RPL26: variants seen among roughly 807,000 people sequenced by gnomAD.
The protein encoded by RPL26 is ribosomal protein L26, also known as large ribosomal subunit protein uL24.
A neutral mutation model predicts 16.2 loss-of-function variants in RPL26; 1 was observed. The ratio of observed to expected loss-of-function variants is 0.06; its 90% CI spans 0.02 to 0.29. The LOEUF (loss-of-function observed/expected upper bound fraction) is 0.29. Among genes scored for constraint, RPL26 ranks in the 10% least tolerant of loss-of-function variants. RPL26 has a pLI of 1.00. For missense variants in RPL26, 102 were observed against 184.3 expected (o/e 0.55, Z 2.58); for synonymous variants, 55 against 62.4 (o/e 0.88, Z 0.56).
At chr17:8,378,505 C>T (rs1024262114) in intron 3 of RPL26, among the ~76,000 whole-genome samples, 1 of 149,596 alleles carries the variant, frequency 6.7e-6, no homozygotes, top group Non-Finnish European at 1.5e-5. Context: ...ACAAAAAAAA[C>T]CCCACCCCCA....
chr17:8,379,999 A>G (rs1907337873), intron 2 of RPL26, 63 bp from the exon 3 acceptor site: 1 of 1,408,440 alleles, frequency 7.1e-7, no homozygotes, highest in South Asian at 1.2e-5. Flanking sequence ...AATCAAGTAA[A>G]CAAACTCATG....
At chr17:8,380,035 A>G in intron 2 of RPL26, 99 bp from the exon 3 acceptor site, 2 of 1,007,212 alleles carry the variant, frequency 2.0e-6, no homozygotes, top group East Asian at 2.6e-5. Context: ...CTATCATTAT[A>G]TTAAAAGGTT....
intron 1 of RPL26, 71 bp downstream of exon 1, chr17:8,383,086 C>T (rs1907505721): frequency 5.0e-6 from 2 of 398,658 alleles, no homozygotes; most frequent in Non-Finnish European, 8.8e-6. Context: ...TCGGGGTCCC[C>T]GCGGTCGGAA....
intron 3 of RPL26, chr17:8,379,426 G>A: frequency 3.8e-6 from 1 of 264,156 alleles, no homozygotes; most frequent in Non-Finnish European, 7.2e-6. Flanking sequence ...ACAAAAATTA[G>A]CCGGGTGTAG....
At chr17:8,380,124 G>C in intron 2 of RPL26, 188 bp from the exon 3 acceptor site, 1 of 570,048 alleles carries the variant, frequency 1.8e-6, no homozygotes, top group South Asian at 2.4e-5. Flanking sequence ...AGCAGCAACA[G>C]ACCAAGAGTA....
chr17:8,382,104 A>G, intron 2 of RPL26, 39 bp downstream of exon 2: 1 of 1,567,322 alleles, frequency 6.4e-7, no homozygotes, highest in South Asian at 1.1e-5. Context: ...AGTGCGTAAA[A>G]TATCCATCAA....
rs1380816392 is a variant in RPL26, at chr17:8,382,353, A to G, written c.-5-38T>C. 4 of 1,435,850 alleles carry G rather than the reference A, an allele frequency of 2.8e-6. No homozygotes were observed. The South Asian group carries it at 4.7e-5, about 17-fold the overall frequency. The allele number at this position is 1,435,850 out of a possible 1,614,324, so 88.9% of individuals were successfully genotyped here. ...TTAAAAAGACTCTTAAATGACCAAAATCTCATCCAGCTTCCAAACAAATAA... is the reference window on the plus strand; with the variant it reads ...TTAAAAAGACTCTTAAATGACCAAAGTCTCATCCAGCTTCCAAACAAATAA... On this transcript the variant is annotated intron_variant, in intron 1 of 3. Transcript: ENST00000648839.
intron 3 of RPL26, among the ~76,000 whole-genome samples, 199 bp from the exon 4 acceptor site, chr17:8,377,891 G>A (rs1907222616): frequency 6.6e-6 from 1 of 152,154 alleles, no homozygotes; most frequent in South Asian, 2.1e-4. Context: ...TACCAACAAA[G>A]GAGAAAAGGC....
chr17:8,377,739 TA>T, intron 3 of RPL26, 47 bp from the exon 4 acceptor site: 2 of 1,551,936 alleles, frequency 1.3e-6, no homozygotes, highest in South Asian at 1.2e-5. Flanking sequence ...AAATAATCAC[TA>T]AAACACAAGG....
In RPL26 at chr17:8,382,139, A is replaced by G; in HGVS notation, c.168+4T>C. On this transcript the variant is annotated splice_donor_region_variant and intron_variant, in intron 2 of 3. Transcript: ENST00000648839. ...AGACAACGAGAACAAGTAGGGATAC[A>G]CACCTGAACTTCATCATCCTTTCGG... 1 of 1,612,038 alleles carries G rather than the reference A, an allele frequency of 6.2e-7. No individual in the cohort carries two copies. Among genetic ancestry groups the G allele is most frequent in the Non-Finnish European group, 8.5e-7 (1 of 1,178,632 alleles).
In RPL26 at chr17:8,377,670, A is replaced by G. The variant is rs1907209486; in HGVS notation, c.332T>C (p.Leu111Pro). Reference sequence around the variant, plus strand: ...GAGGATCTTTTTGCGGTCTTTGTCCAGTTTTAGCCTAGTGATAACCACCTG... The same window carrying G: ...GAGGATCTTTTTGCGGTCTTTGTCCGGTTTTAGCCTAGTGATAACCACCTG... ...PSKVVITRLK[L>P]DKDRKKILER... is the part of the protein sequence containing the mutation. Residue 111 changes from leucine (L) to proline (P), a missense_variant, in exon 4 of 4, where the codon CTG (leucine) becomes CCG (proline). Leu to Pro is a moderately conservative substitution (Grantham distance 98, BLOSUM62 -3). Coordinates refer to ENST00000648839, the MANE Select transcript of RPL26 (RefSeq NM_000987.5). 3 of 1,610,666 alleles carry G rather than the reference A, an allele frequency of 1.9e-6. No homozygotes were observed. The highest frequency in any genetic ancestry group is 2.5e-6 in the Non-Finnish European group (3 of 1,178,858).
Position 8,382,551 on chromosome 17 carries a change from C to G in RPL26, c.-5-236G>C, listed in dbSNP as rs374867188. 22 of 461,004 alleles carry G rather than the reference C, an allele frequency of 4.8e-5. No homozygotes were observed. In the East Asian group the frequency reaches 5.5e-4, roughly 12 times the overall value. 28.6% of individuals were successfully genotyped at this position (461,004 alleles called of 1,614,324 possible). A position where few individuals can be genotyped will look rare whatever the true frequency, so the allele number is the denominator to read the frequency against. On this transcript the variant is annotated intron_variant, in intron 1 of 3. Transcript: ENST00000648839. ...GTTTACGGACTAAAGACTTTTGCAT[C>G]AAAAACACTTGTCCTAGTTATAAGA...
intron 1 of RPL26, chr17:8,382,751 C>A: frequency 6.2e-6 from 2 of 324,636 alleles, no homozygotes; most frequent in Non-Finnish European, 1.1e-5. Flanking sequence ...TATAGCCCCG[C>A]CAAAATGAAT....
chr17:8,382,097 G>A, intron 2 of RPL26, 46 bp downstream of exon 2: 2 of 1,519,428 alleles, frequency 1.3e-6, no homozygotes, highest in Middle Eastern at 2.2e-4. Flanking sequence ...TAAGCTAAGT[G>A]CGTAAAATAT....
chr17:8,382,545 T>C lies in RPL26; in HGVS notation c.-5-230A>G, dbSNP rs1028102735. 55 of 466,388 alleles carry C rather than the reference T, an allele frequency of 1.2e-4. 1 individual carries two copies. Among genetic ancestry groups the C allele is most frequent in the East Asian group, 1.2e-3 (28 of 24,254 alleles). The allele number at this position is 466,388 out of a possible 1,614,324, so 28.9% of individuals were successfully genotyped here. The stretch of plus-strand genomic sequence containing the variant: ...GTATATGTTTACGGACTAAAGACTT[T>C]TGCATCAAAAACACTTGTCCTAGTT... On this transcript the variant is annotated intron_variant, in intron 1 of 3. Transcript: ENST00000648839.
chr17:8,381,741 A>G (rs1907423268), intron 2 of RPL26: 1 of 217,104 alleles, frequency 4.6e-6, no homozygotes, highest in Non-Finnish European at 9.2e-6. Context: ...CACCCTGCCC[A>G]ACATGGTGAA....
chr17:8,382,922 C>A (rs1422618218), intron 1 of RPL26: 1 of 397,340 alleles, frequency 2.5e-6, no homozygotes, highest in African/African-American at 2.1e-5. Flanking sequence ...CAGTCTATTT[C>A]CACAGGCTCC....
In RPL26 at chr17:8,377,550, T is replaced by TA. The variant is rs753047259; in HGVS notation, c.*13dup. ...TGTTTCAAGTTTTAATCAAAGCTTGTATATAAGATTACTTTATTCCTGCAT... is the reference window on the plus strand; with the variant it reads ...TGTTTCAAGTTTTAATCAAAGCTTGTAATATAAGATTACTTTATTCCTGCAT... On this transcript the variant is annotated 3_prime_UTR_variant, in exon 4 of 4. Transcript: ENST00000648839. 2 of 1,576,008 alleles carry TA rather than the reference T, an allele frequency of 1.3e-6. No individual in the cohort carries two copies. Among genetic ancestry groups the TA allele is most frequent in the Non-Finnish European group, 1.7e-6 (2 of 1,168,298 alleles).
intron 1 of RPL26, chr17:8,382,558 A>G (rs554800441): frequency 3.6e-5 from 16 of 450,306 alleles, no homozygotes; most frequent in Admixed American, 8.0e-5. Flanking sequence ...CATCAAAAAC[A>G]CTTGTCCTAG....
Sources: allele counts gnomAD v4.1 joint callset (sites outside exome capture counted in the v4.1 genomes callset), GRCh38; gene constraint gnomAD v4.1.1; transcripts MANE v1.5; gene names NCBI Gene and HGNC (gene_info 2026-07-23, HGNC 2026-07-21).